Variants in HNMT observed in about 807,000 individuals in gnomAD.
The protein encoded by HNMT is histamine N-methyltransferase.
Under a neutral mutation model 32.1 loss-of-function variants are expected in HNMT, and 30 were observed. That is an observed-to-expected ratio of 0.93 (90% CI 0.70 to 1.27). The LOEUF (loss-of-function observed/expected upper bound fraction) is 1.27, where lower values mean the gene tolerates loss of function less well. HNMT is among the 50% of genes most tolerant of loss of function. The pLI is 0.00. For synonymous variants in HNMT, 125 were observed against 119.0 expected, an observed-to-expected ratio of 1.05 and a Z score of -0.33; for missense variants, 327 against 346.0, an observed-to-expected ratio of 0.95 and a Z score of 0.43.
intron 5 of HNMT, among the ~76,000 whole-genome samples, chr2:138,012,533 A>G (rs1443438297): frequency 6.6e-6 from 1 of 152,126 alleles, no homozygotes; most frequent in Non-Finnish European, 1.5e-5. Flanking sequence ...TGAGTAAATC[A>G]CCATTTACTG....
chr2:137,971,841 T>C (rs937912275), intron 2 of HNMT, among the ~76,000 whole-genome samples: 15 of 152,162 alleles, frequency 9.9e-5, no homozygotes, highest in African/African-American at 3.4e-4. Flanking sequence ...GGTTAATGCA[T>C]TAATATATAA....
intron 5 of HNMT, among the ~76,000 whole-genome samples, chr2:138,012,644 T>C (rs1681541862): frequency 6.6e-6 from 1 of 152,086 alleles, no homozygotes; most frequent in African/African-American, 2.4e-5. Flanking sequence ...GTCCAGTAGG[T>C]ATCTCAAATT....
chr2:138,001,945 G>T, intron 3 of HNMT, 119 bp from the exon 4 acceptor site: 4 of 740,952 alleles, frequency 5.4e-6, no homozygotes, highest in Non-Finnish European at 7.9e-6. Context: ...ACATAAGAAA[G>T]AAAAACGTTC....
intron 2 of HNMT, among the ~76,000 whole-genome samples, chr2:137,971,607 C>T (rs1362664776): frequency 6.6e-6 from 1 of 152,304 alleles, no homozygotes; most frequent in South Asian, 2.1e-4. Context: ...AATTTATGAT[C>T]TTGGCTAAAA....
At chr2:138,002,883 G>A in intron 4 of HNMT, 2 of 519,200 alleles carry the variant, frequency 3.9e-6, no homozygotes, top group Non-Finnish European at 4.9e-6. Flanking sequence ...TATGGTCGAA[G>A]GGGCAGGTTA....
chr2:137,980,421 T>A (rs771330611), intron 2 of HNMT, among the ~76,000 whole-genome samples: 1 of 152,180 alleles, frequency 6.6e-6, no homozygotes, highest in Non-Finnish European at 1.5e-5. Context: ...TCAGAGCCTA[T>A]AGATTCTCAG....
At chr2:137,999,077 G>A (rs1681084391) in intron 2 of HNMT, among the ~76,000 whole-genome samples, 1 of 152,028 alleles carries the variant, frequency 6.6e-6, no homozygotes, top group African/African-American at 2.4e-5. Context: ...CTTCTTAGTT[G>A]AATGAGTTAG....
At chr2:137,975,866 T>C (rs1369216068) in intron 2 of HNMT, among the ~76,000 whole-genome samples, 1 of 152,192 alleles carries the variant, frequency 6.6e-6, no homozygotes, top group African/African-American at 2.4e-5. Context: ...AGAATTTGAT[T>C]GTGCTTATTG....
intron 5 of HNMT, among the ~76,000 whole-genome samples, chr2:138,011,967 C>T (rs910854630): frequency 1.3e-5 from 2 of 152,006 alleles, no homozygotes; most frequent in African/African-American, 4.8e-5. Context: ...GTTTTAGAGA[C>T]CATGCTCTTT....
At chr2:138,006,523 T>G (rs1009560266) in intron 5 of HNMT, among the ~76,000 whole-genome samples, 2 of 152,016 alleles carry the variant, frequency 1.3e-5, no homozygotes. Flanking sequence ...AAGTATATAT[T>G]ACCAATAAGA....
At chr2:137,999,240 A>G (rs1464266074) in intron 2 of HNMT, among the ~76,000 whole-genome samples, 1 of 152,220 alleles carries the variant, frequency 6.6e-6, no homozygotes, top group Non-Finnish European at 1.5e-5. Flanking sequence ...TGTTCCAGGT[A>G]AAAAGCCTAG....
intron 2 of HNMT, among the ~76,000 whole-genome samples, chr2:137,980,099 G>T (rs6735963): frequency 0.021 from 3,117 of 150,572 alleles, 110 homozygotes; most frequent in African/African-American, 0.072. Flanking sequence ...GCAGTGGCAC[G>T]ATCTCAGCTC....
rs73961908 is a variant in HNMT at position 137,985,657 on chromosome 2, G to A, written c.191-15261G>A. Among the ~76,000 whole-genome samples the A allele has an allele frequency of 1.0e-2, 1,517 of 152,142 alleles. 28 individuals carry two copies. The highest frequency in any genetic ancestry group is 0.035 in the African/African-American group (1,463 of 41,492). ...TAAGCAATAAAAATTTCATTTTGTA[G>A]CCTCTTTTACTAGTGCACTTGCCCA... On this transcript the variant is annotated intron_variant, in intron 2 of 5. Coordinates refer to ENST00000280097, the MANE Select transcript of HNMT (RefSeq NM_006895.3).
chr2:137,972,267 G>A (rs1049308534), intron 2 of HNMT, among the ~76,000 whole-genome samples: 49 of 152,030 alleles, frequency 3.2e-4, no homozygotes, highest in African/African-American at 9.4e-4. Context: ...CACCACACCC[G>A]TCTAATTTTT....
In HNMT at chr2:138,013,887, G is replaced by A. The variant is rs1681584804; in HGVS notation, c.636G>A (p.Gly212=). ...DDLTQMLDNL[G]LKYECYDLLS... ...TCACTCAGATGCTGGACAACCTAGG[G>A]CTTAAGTATGAGTGCTATGACCTTT... is the stretch of plus-strand genomic sequence containing the variant. Residue 212 remains glycine, a synonymous_variant, in exon 6 of 6, where the codon GGG becomes GGA. Coordinates refer to ENST00000280097, the MANE Select transcript of HNMT (RefSeq NM_006895.3). 4 of 1,613,614 alleles carry A rather than the reference G, an allele frequency of 2.5e-6. No individual in the cohort carries two copies. The highest frequency in any genetic ancestry group is 2.7e-5 in the African/African-American group (2 of 74,862).
At chr2:137,979,908 T>C (rs1052325176) in intron 2 of HNMT, among the ~76,000 whole-genome samples, 1 of 152,146 alleles carries the variant, frequency 6.6e-6, no homozygotes, top group Non-Finnish European at 1.5e-5. Flanking sequence ...CGAGAGATGA[T>C]GGTAAGGACT....
intron 2 of HNMT, among the ~76,000 whole-genome samples, chr2:137,981,978 C>A (rs890268547): frequency 6.6e-6 from 1 of 152,098 alleles, no homozygotes; most frequent in African/African-American, 2.4e-5. Context: ...CTCAGCCACC[C>A]GAGTAGCTGA....
chr2:137,993,784 T>A (rs1573664578), intron 2 of HNMT, among the ~76,000 whole-genome samples: 1 of 151,796 alleles, frequency 6.6e-6, no homozygotes, highest in South Asian at 2.1e-4. Context: ...AAAAGCCAGG[T>A]CACCTACAAA....
intron 2 of HNMT, among the ~76,000 whole-genome samples, chr2:137,998,528 C>A (rs142879953): frequency 2.0e-5 from 3 of 152,214 alleles, no homozygotes; most frequent in African/African-American, 7.2e-5. Flanking sequence ...GAAATAGTTG[C>A]ATTATCACCT....
Sources: allele counts gnomAD v4.1 joint callset (sites outside exome capture counted in the v4.1 genomes callset), GRCh38; gene constraint gnomAD v4.1.1; transcripts MANE v1.5; gene names NCBI Gene and HGNC (gene_info 2026-07-23, HGNC 2026-07-21).